Variants in GAB2 observed in about 807,000 individuals in gnomAD.
The protein encoded by GAB2 is GRB2-associated-binding protein 2.
In GAB2, 26 loss-of-function variants were observed where a neutral mutation model predicts 65.5. The ratio of observed to expected loss-of-function variants is 0.40; its 90% CI spans 0.29 to 0.55. The LOEUF is 0.55. Ranked by LOEUF, GAB2 falls within the 20% of genes least tolerant of loss-of-function variation. The pLI is 0.53. For synonymous variants in GAB2, 321 were observed against 329.6 expected (o/e 0.97, Z 0.28); for missense variants, 884 against 875.8 (o/e 1.01, Z -0.12).
intron 1 of GAB2, among the ~76,000 whole-genome samples, chr11:78,359,395 A>G (rs1214467953): frequency 6.6e-6 from 1 of 152,232 alleles, no homozygotes; most frequent in Admixed American, 6.5e-5. Context: ...CCTGAACAGC[A>G]ACAGTGAAAT....
chr11:78,297,624 CAGG>C (rs1866871442), intron 1 of GAB2, among the ~76,000 whole-genome samples: 1 of 152,062 alleles, frequency 6.6e-6, no homozygotes, highest in Middle Eastern at 3.4e-3. Context: ...GAGAACCTGA[CAGG>C]AGGTCATGGC....
At chr11:78,284,801 A>G (rs1866432111) in intron 1 of GAB2, among the ~76,000 whole-genome samples, 1 of 152,058 alleles carries the variant, frequency 6.6e-6, no homozygotes, top group South Asian at 2.1e-4. Context: ...AAACTCCTCC[A>G]GGACAAGGAT....
chr11:78,288,197 TGGTGAAATC>T (rs930533222), intron 1 of GAB2, among the ~76,000 whole-genome samples: 1 of 150,502 alleles, frequency 6.6e-6, no homozygotes, highest in Admixed American at 6.6e-5. Flanking sequence ...CTGGCCAACA[TGGTGAAATC>T]CCATCTCTAC....
chr11:78,332,929 T>A (rs1429230658), intron 1 of GAB2, among the ~76,000 whole-genome samples: 2 of 152,200 alleles, frequency 1.3e-5, no homozygotes, highest in African/African-American at 2.4e-5. Flanking sequence ...GTCTTATACC[T>A]GCAGAGCCTA....
intron 1 of GAB2, among the ~76,000 whole-genome samples, chr11:78,287,897 C>T (rs1866530230): frequency 2.0e-5 from 3 of 151,990 alleles, no homozygotes; most frequent in Admixed American, 2.0e-4. Flanking sequence ...ATCCACCTGC[C>T]TTGGCCTCCC....
intron 1 of GAB2, among the ~76,000 whole-genome samples, chr11:78,309,931 T>A (rs1855454263): frequency 1.5e-4 from 1 of 6,682 alleles, no homozygotes; most frequent in African/African-American, 4.7e-4. Context: ...TAGAAATGTG[T>A]GTGTGTGTGT....
intron 1 of GAB2, among the ~76,000 whole-genome samples, chr11:78,298,344 T>C (rs1307336726): frequency 6.6e-6 from 1 of 152,186 alleles, no homozygotes; most frequent in Non-Finnish European, 1.5e-5. Context: ...GGCTGTATTA[T>C]GACTCATTAT....
chr11:78,403,957 A>G (rs1857007248), intron 1 of GAB2, among the ~76,000 whole-genome samples: 1 of 152,224 alleles, frequency 6.6e-6, no homozygotes, highest in African/African-American at 2.4e-5. Flanking sequence ...AAGTGATAAC[A>G]GACGCTGGGA....
chr11:78,388,206 A>C (rs1434730037), intron 1 of GAB2: 1 of 151,916 alleles, frequency 6.6e-6, no homozygotes, highest in Non-Finnish European at 1.5e-5. Flanking sequence ...TCTATTTTTC[A>C]GTAGAGACGG....
intron 1 of GAB2, among the ~76,000 whole-genome samples, chr11:78,300,524 C>CAAAAAAAAA (rs1491460683): frequency 1.5e-5 from 2 of 134,816 alleles, no homozygotes; most frequent in African/African-American, 7.3e-5. Flanking sequence ...TATAAAAAAA[C>CAAAAAAAAA]AAAAAAACAA....
chr11:78,407,700 A>AG (rs1555001743), intron 1 of GAB2, among the ~76,000 whole-genome samples: 2 of 129,776 alleles, frequency 1.5e-5, no homozygotes, highest in Admixed American at 1.7e-4. Flanking sequence ...AAAGAAAGAA[A>AG]GAGATGGCAT....
intron 1 of GAB2, among the ~76,000 whole-genome samples, chr11:78,311,547 T>C (rs986880242): frequency 6.6e-6 from 1 of 152,170 alleles, no homozygotes; most frequent in African/African-American, 2.4e-5. Context: ...ACGGTTAGGA[T>C]AGTAAATGCA....
Position 78,215,591 on chromosome 11 carries a change from G to GACAA in GAB2, c.*3677_*3680dup, listed in dbSNP as rs552681256. 8 of 152,388 alleles carry GACAA rather than the reference G, an allele frequency of 5.2e-5. No individual in the cohort carries two copies. The highest frequency in any genetic ancestry group is 1.9e-4 in the African/African-American group (8 of 41,446). 9.4% of individuals were successfully genotyped at this position (152,388 alleles called of 1,614,324 possible). ...TTCCACTAGCCCATTTTCTCTTCCTGACAAACAGTGACAATTCTGCGTGAA... is the reference window on the plus strand; with the variant it reads ...TTCCACTAGCCCATTTTCTCTTCCTGACAAACAAACAGTGACAATTCTGCGTGAA... On this transcript the variant is annotated 3_prime_UTR_variant, in exon 10 of 10. Coordinates refer to ENST00000361507, the MANE Select transcript of GAB2 (RefSeq NM_080491.3).
chr11:78,349,706 G>T (rs1484861030), intron 1 of GAB2, among the ~76,000 whole-genome samples: 2 of 152,074 alleles, frequency 1.3e-5, no homozygotes, highest in African/African-American at 4.8e-5. Context: ...TTAAGTCGGT[G>T]AGTTTTAGCA....
intron 3 of GAB2, among the ~76,000 whole-genome samples, chr11:78,237,265 C>A (rs1428554319): frequency 2.0e-5 from 3 of 152,174 alleles, no homozygotes; most frequent in African/African-American, 7.2e-5. Context: ...TAATGTGTAA[C>A]AGCCAAAACT....
chr11:78,392,503 C>G (rs889094859), intron 1 of GAB2: 5 of 152,186 alleles, frequency 3.3e-5, no homozygotes, highest in Non-Finnish European at 7.3e-5. Flanking sequence ...TCCAAGTTGT[C>G]CATGAACCCA....
At chr11:78,409,836 C>G (rs1857104019) in intron 1 of GAB2, among the ~76,000 whole-genome samples, 1 of 151,980 alleles carries the variant, frequency 6.6e-6, no homozygotes, top group Admixed American at 6.6e-5. Flanking sequence ...TTCAAAGTAC[C>G]CATGGAACCT....
intron 3 of GAB2, among the ~76,000 whole-genome samples, chr11:78,240,505 T>C (rs1175649734): frequency 6.6e-6 from 1 of 151,752 alleles, no homozygotes; most frequent in East Asian, 1.9e-4. Flanking sequence ...GCTGTTGAGA[T>C]ACGCCTCTCC....
At chr11:78,284,784 A>G (rs1239901476) in intron 1 of GAB2, among the ~76,000 whole-genome samples, 1 of 151,930 alleles carries the variant, frequency 6.6e-6, no homozygotes, top group Non-Finnish European at 1.5e-5. Flanking sequence ...CCCACCTCCC[A>G]GAAAGTAAAC....
Sources: gnomAD v4.1 joint callset for allele counts (sites outside exome capture counted in the v4.1 genomes callset) on GRCh38, gnomAD v4.1.1 for gene constraint, MANE v1.5 for transcripts, NCBI Gene and HGNC (gene_info 2026-07-23, HGNC 2026-07-21) for gene names.